Variants in CNTNAP2 observed in about 807,000 individuals in gnomAD.
The protein encoded by CNTNAP2 is contactin-associated protein-like 2.
Under a neutral mutation model 155.2 loss-of-function variants are expected in CNTNAP2, and 98 were observed. That is an observed-to-expected ratio of 0.63 (90% CI 0.54 to 0.75). The LOEUF (loss-of-function observed/expected upper bound fraction) is 0.75. CNTNAP2 is among the 30% of genes least tolerant of loss of function. CNTNAP2 has a pLI of 0.00. For synonymous variants in CNTNAP2, 651 were observed against 631.2 expected (o/e 1.03, Z -0.47); for missense variants, 1,727 against 1,688.1 (o/e 1.02, Z -0.40).
chr7:146,853,937 A>T (rs1794928854), intron 3 of CNTNAP2, among the ~76,000 whole-genome samples: 1 of 152,232 alleles, frequency 6.6e-6, no homozygotes, highest in African/African-American at 2.4e-5. Context: ...AATAATATTG[A>T]GAAATACTGC....
intron 15 of CNTNAP2, among the ~76,000 whole-genome samples, chr7:148,054,603 T>C (rs1420493780): frequency 6.6e-6 from 1 of 152,060 alleles, no homozygotes; most frequent in African/African-American, 2.4e-5. Flanking sequence ...GCTCCCTAAC[T>C]ACAACTTCGC....
At chr7:146,848,431 C>T (rs1423436468) in intron 3 of CNTNAP2, among the ~76,000 whole-genome samples, 2 of 152,176 alleles carry the variant, frequency 1.3e-5, no homozygotes, top group Admixed American at 6.5e-5. Context: ...AAAACACAAG[C>T]ATAATTGCTG....
chr7:146,605,723 A>G (rs1799035573), intron 1 of CNTNAP2, among the ~76,000 whole-genome samples: 1 of 152,210 alleles, frequency 6.6e-6, no homozygotes, highest in Admixed American at 6.5e-5. Context: ...TAGATGTAAC[A>G]CATTTTAATT....
chr7:146,190,972 TAATCATATG>T (rs1266088308), intron 1 of CNTNAP2, among the ~76,000 whole-genome samples: 2 of 152,192 alleles, frequency 1.3e-5, no homozygotes, highest in Admixed American at 1.3e-4. Flanking sequence ...AATTTGACTT[TAATCATATG>T]AATCTATCAC....
intron 3 of CNTNAP2, among the ~76,000 whole-genome samples, chr7:146,934,505 G>T (rs570970883): frequency 3.4e-4 from 51 of 151,512 alleles, no homozygotes; most frequent in Admixed American, 5.9e-4. Context: ...GCTAAATGAC[G>T]AGTTAATGGG....
chr7:148,337,705 G>T (rs1029627242), intron 21 of CNTNAP2, among the ~76,000 whole-genome samples: 1 of 152,168 alleles, frequency 6.6e-6, no homozygotes, highest in African/African-American at 2.4e-5. Context: ...GGGTTTTTAT[G>T]TATTTCTAGC....
chr7:147,631,590 G>A (rs1374893558), intron 12 of CNTNAP2, among the ~76,000 whole-genome samples: 3 of 152,132 alleles, frequency 2.0e-5, no homozygotes, highest in Admixed American at 2.0e-4. Flanking sequence ...ATTCTACAAG[G>A]CTATAGAGAC....
At chr7:146,351,695 T>G (rs901332635) in intron 1 of CNTNAP2, among the ~76,000 whole-genome samples, 1 of 152,210 alleles carries the variant, frequency 6.6e-6, no homozygotes, top group Non-Finnish European at 1.5e-5. Flanking sequence ...TTGTTTTAAC[T>G]TTGTGCTTTT....
intron 1 of CNTNAP2, among the ~76,000 whole-genome samples, chr7:146,231,143 T>C (rs976156197): frequency 6.6e-6 from 1 of 152,188 alleles, no homozygotes; most frequent in Non-Finnish European, 1.5e-5. Flanking sequence ...AGCTCTATGA[T>C]TGCAGGAAAT....
intron 8 of CNTNAP2, among the ~76,000 whole-genome samples, chr7:147,191,108 TAGAG>T (rs1802672621): frequency 6.6e-6 from 1 of 152,064 alleles, no homozygotes; most frequent in Non-Finnish European, 1.5e-5. Flanking sequence ...TCTAGAATCA[TAGAG>T]ACAGGGTGGG....
intron 1 of CNTNAP2, among the ~76,000 whole-genome samples, chr7:146,709,261 G>T (rs1801020827): frequency 6.6e-6 from 1 of 152,112 alleles, no homozygotes; most frequent in Admixed American, 6.6e-5. Context: ...CTCACTAGTA[G>T]CAGAACTGGG....
At chr7:146,173,240 A>T (rs1170368904) in intron 1 of CNTNAP2, among the ~76,000 whole-genome samples, 1 of 152,198 alleles carries the variant, frequency 6.6e-6, no homozygotes, top group Admixed American at 6.5e-5. Flanking sequence ...ATACATTATT[A>T]GAGTAAATTT....
intron 8 of CNTNAP2, among the ~76,000 whole-genome samples, chr7:147,191,127 G>T (rs1802672915): frequency 1.3e-5 from 2 of 152,218 alleles, no homozygotes; most frequent in East Asian, 3.9e-4. Flanking sequence ...GGTGGGAGAG[G>T]CCCAGAGAGA....
chr7:146,395,217 T>C (rs1314410524), intron 1 of CNTNAP2, among the ~76,000 whole-genome samples: 2 of 152,118 alleles, frequency 1.3e-5, no homozygotes, highest in Non-Finnish European at 1.5e-5. Context: ...TGAGTGCAGG[T>C]ATCTTTTATA....
intron 14 of CNTNAP2, among the ~76,000 whole-genome samples, chr7:147,962,674 T>C (rs1801134742): frequency 6.6e-6 from 1 of 152,254 alleles, no homozygotes; most frequent in Non-Finnish European, 1.5e-5. Context: ...TAAGTGAATA[T>C]TGACAATTTC....
At chr7:148,341,607 G>A (rs1428650034) in intron 21 of CNTNAP2, among the ~76,000 whole-genome samples, 1 of 152,154 alleles carries the variant, frequency 6.6e-6, no homozygotes, top group Non-Finnish European at 1.5e-5. Context: ...AAGGTGGGGA[G>A]CAGAAGCCAG....
intron 21 of CNTNAP2, among the ~76,000 whole-genome samples, chr7:148,333,089 G>A (rs1798058538): frequency 6.6e-6 from 1 of 151,986 alleles, no homozygotes; most frequent in African/African-American, 2.4e-5. Flanking sequence ...GCTGTATGGA[G>A]AGAGATGTCC....
intron 1 of CNTNAP2, among the ~76,000 whole-genome samples, chr7:146,349,874 C>T (rs1031591231): frequency 5.3e-5 from 8 of 151,956 alleles, no homozygotes; most frequent in African/African-American, 1.9e-4. Flanking sequence ...GCAGGTAACC[C>T]GACCTTTCTC....
chr7:146,934,641 C>T (rs1040075769), intron 3 of CNTNAP2, among the ~76,000 whole-genome samples: 2 of 151,882 alleles, frequency 1.3e-5, no homozygotes, highest in Non-Finnish European at 2.9e-5. Context: ...CAACAATGGA[C>T]ATGTATTCGC....
Sources: gnomAD v4.1 joint callset for allele counts (sites outside exome capture counted in the v4.1 genomes callset) on GRCh38, gnomAD v4.1.1 for gene constraint, MANE v1.5 for transcripts, NCBI Gene and HGNC (gene_info 2026-07-23, HGNC 2026-07-21) for gene names.